Variants in RAD17 observed in about 807,000 individuals in gnomAD.
RAD17 encodes RAD17 checkpoint clamp loader component.
A neutral mutation model predicts 81.5 loss-of-function variants in RAD17; 31 were observed. That is an observed-to-expected ratio of 0.38 (90% CI 0.29 to 0.51). RAD17 has a LOEUF of 0.51. Among genes scored for constraint, RAD17 ranks in the 20% least tolerant of loss-of-function variants. RAD17 has a pLI of 0.88. For missense variants in RAD17, 681 were observed against 781.2 expected (o/e 0.87, Z 1.53); for synonymous variants, 261 against 266.2 (o/e 0.98, Z 0.19).
At chr5:69,402,548 A>G (rs577992322) in intron 17 of RAD17, among the ~76,000 whole-genome samples, 1 of 151,628 alleles carries the variant, frequency 6.6e-6, no homozygotes, top group Admixed American at 6.6e-5. Context: ...CCAGCTACTC[A>G]GTGGGCTGAG....
Position 69,381,982 on chromosome 5 carries a change from A to G in RAD17, c.433A>G (p.Ile145Val). Reference sequence around the variant, plus strand: ...AAAAATACTATCAAAGGAGCATGGTATTCAAGTACAAGAGTGGATTAATCC... The same window carrying G: ...AAAAATACTATCAAAGGAGCATGGTGTTCAAGTACAAGAGTGGATTAATCC... The part of the protein sequence containing the change: ...TLKILSKEHG[I>V]QVQEWINPVL... The change falls in exon 7 of 19, where the codon ATT (isoleucine) becomes GTT (valine). Residue 145 changes from isoleucine (I) to valine (V), a missense_variant. Ile to Val is a conservative substitution (Grantham distance 29). Coordinates refer to ENST00000354868, the MANE Select transcript of RAD17 (RefSeq NM_133338.3). 1.2e-6 allele frequency: 2 copies of G among 1,607,860 alleles called. No homozygotes were observed. Among genetic ancestry groups the G allele is most frequent in the Admixed American group, 1.7e-5 (1 of 59,952 alleles).
At chr5:69,396,010 C>G (rs1217709253) in intron 15 of RAD17, among the ~76,000 whole-genome samples, 2 of 152,030 alleles carry the variant, frequency 1.3e-5, no homozygotes, top group Non-Finnish European at 2.9e-5. Context: ...ATTTTAGTTT[C>G]AATTATATTT....
At chr5:69,409,518 A>T (rs1000149149) in intron 17 of RAD17, among the ~76,000 whole-genome samples, 1 of 151,960 alleles carries the variant, frequency 6.6e-6, no homozygotes, top group African/African-American at 2.4e-5. Context: ...ATCTTTTCTC[A>T]TTTGCTGTAT....
chr5:69,389,372 A>G (rs912426520), intron 12 of RAD17, among the ~76,000 whole-genome samples: 1 of 152,202 alleles, frequency 6.6e-6, no homozygotes. Flanking sequence ...TTACCTTTCA[A>G]AGTTAACTTA....
chr5:69,409,249 G>C (rs1337040197), intron 17 of RAD17, among the ~76,000 whole-genome samples: 2 of 152,126 alleles, frequency 1.3e-5, no homozygotes. Context: ...AACAAGCTGG[G>C]GTAAGGGAGA....
intron 14 of RAD17, 56 bp downstream of exon 14, chr5:69,393,296 A>G (rs1764657595): frequency 2.6e-6 from 4 of 1,566,272 alleles, no homozygotes; most frequent in Admixed American, 3.6e-5. Context: ...ATTCGTGTGC[A>G]TATATATTTG....
chr5:69,382,009 G>A lies in RAD17; in HGVS notation c.460G>A (p.Val154Ile), dbSNP rs747635308. The A allele has an allele frequency of 6.2e-7, 1 of 1,611,790 alleles. No homozygotes were observed. Among genetic ancestry groups the A allele is most frequent in the Admixed American group, 1.7e-5 (1 of 59,892 alleles). ...TCAAGTACAAGAGTGGATTAATCCAGTTTTACCAGACTTCCAAAAAGATGA... is the reference window on the plus strand; with the variant it reads ...TCAAGTACAAGAGTGGATTAATCCAATTTTACCAGACTTCCAAAAAGATGA... Reference protein sequence around the residue: ...GIQVQEWINPVLPDFQKDDFK... With the variant: ...GIQVQEWINPILPDFQKDDFK... Residue 154 changes from valine to isoleucine, a missense_variant, in exon 7 of 19, where the codon GTT (valine) becomes ATT (isoleucine). Val to Ile is a conservative substitution (Grantham distance 29, BLOSUM62 3). Transcript: ENST00000354868.
intron 6 of RAD17, among the ~76,000 whole-genome samples, chr5:69,375,428 A>AC (rs374609034): frequency 3.9e-5 from 6 of 151,918 alleles, no homozygotes; most frequent in Middle Eastern, 3.4e-3. Context: ...ATTACCTTGA[A>AC]CCCCCAAGGT....
upstream of RAD17, chr5:69,369,497 C>A (rs374116068): frequency 1.2e-5 from 20 of 1,611,486 alleles, no homozygotes; most frequent in African/African-American, 2.4e-4. Context: ...ACATGGTCCC[C>A]GCCGCGACGG....
chr5:69,372,123 A>G lies in RAD17; in HGVS notation c.-86A>G. 1 of 1,498,508 alleles carries G rather than the reference A, an allele frequency of 6.7e-7. No homozygotes were observed. The highest frequency in any genetic ancestry group is 9.0e-7 in the Non-Finnish European group (1 of 1,106,072). The allele number at this position is 1,498,508 out of a possible 1,614,324, so 92.8% of individuals were successfully genotyped here. ...GAATTGCTGTCGAAAGTTTTACTATAATGAAAGATATTTTCATACTCTCAA... is the reference window on the plus strand; with the variant it reads ...GAATTGCTGTCGAAAGTTTTACTATGATGAAAGATATTTTCATACTCTCAA... On this transcript the variant is annotated 5_prime_UTR_variant, in exon 4 of 19. In the 5' UTR this introduces an upstream ATG that the reference lacks. Transcript: ENST00000354868.
chr5:69,402,243 G>A (rs1200992806), intron 17 of RAD17, among the ~76,000 whole-genome samples: 1 of 151,538 alleles, frequency 6.6e-6, no homozygotes, highest in Non-Finnish European at 1.5e-5. Context: ...TAGAGGTGGG[G>A]TGTCACCATG....
At chr5:69,390,884 T>C (rs1443681159) in intron 12 of RAD17, among the ~76,000 whole-genome samples, 1 of 151,040 alleles carries the variant, frequency 6.6e-6, no homozygotes, top group Non-Finnish European at 1.5e-5. Context: ...AGCCTGGAGG[T>C]TGAGGCTTCA....
intron 2 of RAD17, 54 bp downstream of exon 2, chr5:69,371,225 G>T: frequency 2.3e-5 from 12 of 517,372 alleles, no homozygotes; most frequent in East Asian, 4.3e-5. Flanking sequence ...ATACATCATT[G>T]AGTTCATGTG....
At chr5:69,390,330 T>G (rs1451070308) in intron 12 of RAD17, among the ~76,000 whole-genome samples, 1 of 152,142 alleles carries the variant, frequency 6.6e-6, no homozygotes, top group Non-Finnish European at 1.5e-5. Context: ...CATGCACTCT[T>G]GAGTTCTAAA....
intron 17 of RAD17, among the ~76,000 whole-genome samples, chr5:69,401,117 G>A (rs1476809709): frequency 6.6e-6 from 1 of 152,178 alleles, no homozygotes; most frequent in African/African-American, 2.4e-5. Flanking sequence ...GGCTGAGGCA[G>A]GAGAACCTTC....
At chr5:69,407,402 A>G (rs1765671818) in intron 17 of RAD17, among the ~76,000 whole-genome samples, 1 of 151,710 alleles carries the variant, frequency 6.6e-6, no homozygotes, top group Non-Finnish European at 1.5e-5. Context: ...TTCCGCTTTT[A>G]TTTACTATGT....
In RAD17 at chr5:69,396,528, G is replaced by T; in HGVS notation, c.1554G>T (p.Trp518Cys). The T allele has an allele frequency of 6.4e-7, 1 of 1,552,510 alleles. No homozygotes were observed. Among genetic ancestry groups the T allele is most frequent in the South Asian group, 1.2e-5 (1 of 81,336 alleles). ...TTCGACCCTTGCACAAACCTCAGTG[G>T]TTTCTAATAAATAAAAAGGTAAAAA... ...SSFRPLHKPQWFLINKKYREN... is the reference protein window; with the variant it reads ...SSFRPLHKPQCFLINKKYREN... The change falls in exon 16 of 19, where the codon TGG (tryptophan) becomes TGT (cysteine). Residue 518 changes from tryptophan to cysteine, a missense_variant. Trp to Cys is a radical substitution (Grantham distance 215). Transcript: ENST00000354868.
rs1444051812 is a variant in RAD17, at chr5:69,371,574, T to C, written c.-176+17T>C. 4 of 1,365,478 alleles carry C rather than the reference T, an allele frequency of 2.9e-6. No individual in the cohort carries two copies. The allele number at this position is 1,365,478 out of a possible 1,614,324, so 84.6% of individuals were successfully genotyped here. A position where few individuals can be genotyped will look rare whatever the true frequency, so the allele number is the denominator to read the frequency against. ...TCCACAAAGGTATGATACACTGGAA[T>C]GGCCATGTAATAATTGCCTTAAAAT... On this transcript the variant is annotated intron_variant, in intron 3 of 18. Transcript: ENST00000354868.
intron 6 of RAD17, among the ~76,000 whole-genome samples, chr5:69,378,752 T>TA (rs1240123198): frequency 6.6e-6 from 1 of 152,204 alleles, no homozygotes; most frequent in Admixed American, 6.6e-5. Context: ...GGGAAATGTG[T>TA]CATTAGGTGA....
Sources: gnomAD v4.1 joint callset for allele counts (sites outside exome capture counted in the v4.1 genomes callset) on GRCh38, gnomAD v4.1.1 for gene constraint, MANE v1.5 for transcripts, NCBI Gene and HGNC (gene_info 2026-07-23, HGNC 2026-07-21) for gene names.